The following SND1 variants were observed in gnomAD, a reference collection of about 807,000 sequenced individuals.
SND1 encodes staphylococcal nuclease and tudor domain containing 1.
Under a neutral mutation model 121.7 loss-of-function variants are expected in SND1, and 38 were observed. The ratio of observed to expected loss-of-function variants is 0.31; its 90% CI spans 0.24 to 0.41. The LOEUF is 0.41. SND1 is among the 10% of genes least tolerant of loss of function. The pLI is 1.00. For missense variants in SND1, 868 were observed against 1,184.6 expected (o/e 0.73, Z 3.92); for synonymous variants, 401 against 447.4 (o/e 0.90, Z 1.31).
intron 16 of SND1, among the ~76,000 whole-genome samples, chr7:128,048,762 G>C (rs1411292876): frequency 1.3e-5 from 2 of 152,138 alleles, no homozygotes; most frequent in Non-Finnish European, 2.9e-5. Flanking sequence ...AAGTGATGCA[G>C]GGTATATGTG....
chr7:128,078,216 G>T (rs1238141587), intron 17 of SND1, among the ~76,000 whole-genome samples: 1 of 152,220 alleles, frequency 6.6e-6, no homozygotes, highest in African/African-American at 2.4e-5. Context: ...GTGCCACCTG[G>T]CCAGCCTGCA....
At chr7:127,880,342 A>T (rs937141185) in intron 12 of SND1, among the ~76,000 whole-genome samples, 1 of 152,202 alleles carries the variant, frequency 6.6e-6, no homozygotes, top group Non-Finnish European at 1.5e-5. Context: ...ATAGGAAAAA[A>T]TACAGAGTTC....
At chr7:127,904,977 T>C (rs1163975746) in intron 14 of SND1, among the ~76,000 whole-genome samples, 158 bp downstream of exon 14, 1 of 152,230 alleles carries the variant, frequency 6.6e-6, no homozygotes, top group Admixed American at 6.5e-5. Flanking sequence ...CTTAGGTATC[T>C]ATAGGGAGCC....
At chr7:127,915,996 ATGTGTGTGTGTG>A (rs57570326) in intron 14 of SND1, among the ~76,000 whole-genome samples, 3,091 of 149,128 alleles carry the variant, frequency 0.021, 101 homozygotes, top group African/African-American at 0.07. Flanking sequence ...AGAACAGCAT[ATGTGTGTGTGTG>A]TGTGTGTGTG....
At chr7:128,071,107 G>C (rs1793402599) in intron 16 of SND1, among the ~76,000 whole-genome samples, 2 of 152,168 alleles carry the variant, frequency 1.3e-5, no homozygotes, top group Admixed American at 6.5e-5. Context: ...GAGCTGAAGT[G>C]CTGTCTAGTG....
intron 12 of SND1, among the ~76,000 whole-genome samples, chr7:127,856,825 C>CT (rs1799283288): frequency 6.6e-6 from 1 of 152,190 alleles, no homozygotes; most frequent in Admixed American, 6.5e-5. Flanking sequence ...TTGGCATTGA[C>CT]TACAAAATCA....
intron 12 of SND1, among the ~76,000 whole-genome samples, chr7:127,885,812 G>T (rs76823305): frequency 6.6e-6 from 1 of 152,066 alleles, no homozygotes; most frequent in Admixed American, 6.6e-5. Context: ...TCAATGCTCA[G>T]TAATTCAAAA....
intron 11 of SND1, among the ~76,000 whole-genome samples, chr7:127,827,962 A>T (rs1037696618): frequency 9.9e-5 from 15 of 151,870 alleles, no homozygotes; most frequent in African/African-American, 3.4e-4. Context: ...TTAATAACAT[A>T]TATAGTTAGC....
intron 11 of SND1, among the ~76,000 whole-genome samples, chr7:127,814,553 T>C (rs1417992034): frequency 1.3e-5 from 2 of 151,928 alleles, no homozygotes; most frequent in South Asian, 2.1e-4. Flanking sequence ...AGTATTTTTT[T>C]CTCCAGCATA....
intron 13 of SND1, among the ~76,000 whole-genome samples, chr7:127,892,745 G>A (rs59353568): frequency 1.0e-3 from 156 of 152,108 alleles, no homozygotes; most frequent in African/African-American, 3.0e-3. Flanking sequence ...AGCCCTTGAT[G>A]TTGTCCCACA....
Position 128,029,585 on chromosome 7 carries a change from G to A in SND1, c.1779+38529G>A, listed in dbSNP as rs1449094128. On this transcript the variant is annotated intron_variant, in intron 16 of 23. Coordinates refer to ENST00000354725, the MANE Select transcript of SND1 (RefSeq NM_014390.4). The surrounding 1 kb of genome is among the most constrained non-coding windows in gnomAD (Gnocchi z 4.2). ...CTCGAGGTGCGTCCATGATGAAGGGGGCAGAGCACTGGAAGGAGGCCTGGT... is the reference window on the plus strand; with the variant it reads ...CTCGAGGTGCGTCCATGATGAAGGGAGCAGAGCACTGGAAGGAGGCCTGGT... The A allele has an allele frequency of 1.2e-5, 19 of 1,613,910 alleles. No homozygotes were observed. Among genetic ancestry groups the A allele is most frequent in the East Asian group, 2.2e-5 (1 of 44,896 alleles).
intron 15 of SND1, among the ~76,000 whole-genome samples, chr7:127,950,201 T>A (rs1261243826): frequency 6.6e-6 from 1 of 152,192 alleles, no homozygotes; most frequent in East Asian, 1.9e-4. Context: ...AGAAAGGGCC[T>A]AGACTTCCCT....
intron 1 of SND1, among the ~76,000 whole-genome samples, chr7:127,675,695 T>C (rs999155880): frequency 1.4e-4 from 21 of 152,206 alleles, no homozygotes; most frequent in Non-Finnish European, 2.5e-4. Context: ...AGTGATACTC[T>C]TTTTTATGTC....
intron 16 of SND1, chr7:128,000,066 TGA>T (rs1802784824): frequency 8.1e-6 from 1 of 123,082 alleles, no homozygotes; most frequent in South Asian, 2.5e-4. Flanking sequence ...TGAGCTTTGG[TGA>T]GTGTTCTCTA....
chr7:128,044,072 C>T (rs762170407), intron 16 of SND1, among the ~76,000 whole-genome samples: 5 of 152,120 alleles, frequency 3.3e-5, no homozygotes, highest in Non-Finnish European at 5.9e-5. Flanking sequence ...AGATGTGGCC[C>T]CAGCCAAGGA....
intron 15 of SND1, among the ~76,000 whole-genome samples, chr7:127,953,458 C>G (rs998234978): frequency 3.3e-5 from 5 of 151,840 alleles, no homozygotes; most frequent in African/African-American, 1.2e-4. Context: ...TAAGTTTTTT[C>G]TCCCCCACTC....
chr7:128,068,967 A>C (rs978723587), intron 16 of SND1, among the ~76,000 whole-genome samples: 9 of 152,234 alleles, frequency 5.9e-5, no homozygotes, highest in Non-Finnish European at 1.0e-4. Context: ...GCTCTAGCCC[A>C]CAGTCAGGCC....
At chr7:127,899,945 T>C (rs998008486) in intron 13 of SND1, among the ~76,000 whole-genome samples, 3 of 152,150 alleles carry the variant, frequency 2.0e-5, no homozygotes, top group Non-Finnish European at 4.4e-5. Context: ...AAAAGGAAGT[T>C]ACAGATGAGG....
intron 2 of SND1, among the ~76,000 whole-genome samples, chr7:127,689,805 A>T (rs888251850): frequency 6.6e-6 from 1 of 151,928 alleles, no homozygotes. Flanking sequence ...TAATAATCCA[A>T]TGTCTCCTCA....
Sources: allele counts gnomAD v4.1 joint callset (sites outside exome capture counted in the v4.1 genomes callset), GRCh38; gene constraint gnomAD v4.1.1; non-coding constraint Gnocchi (gnomAD v3.1); transcripts MANE v1.5; gene names NCBI Gene and HGNC (gene_info 2026-07-23, HGNC 2026-07-21).